FAM3C: variants seen among roughly 807,000 people sequenced by gnomAD.
FAM3C encodes protein FAM3C.
In FAM3C, 15 loss-of-function variants were observed where a neutral mutation model predicts 32.5. That is an observed-to-expected ratio of 0.46 (90% CI 0.31 to 0.71). The LOEUF is 0.71. Among genes scored for constraint, FAM3C ranks in the 30% least tolerant of loss-of-function variants. The probability of loss-of-function intolerance (pLI) is 0.05; values close to 1 mark genes in which losing one functional copy is unlikely to be tolerated. For synonymous variants in FAM3C, 75 were observed against 86.1 expected, an observed-to-expected ratio of 0.87 and a Z score of 0.72; for missense variants, 175 against 274.4, an observed-to-expected ratio of 0.64 and a Z score of 2.56.
chr7:121,351,279 GGAGA>G lies in FAM3C; in HGVS notation c.468-14_468-11del, dbSNP rs1383767933. 6.2e-7 allele frequency: 1 copy of G among 1,611,894 alleles called. No homozygotes were observed. The highest frequency in any genetic ancestry group is 1.3e-5 in the African/African-American group (1 of 74,812). The stretch of plus-strand genomic sequence containing the variant: ...TGCCTCATCATTGAGTCTTGAAGAG[GGAGA>G]GAAAGAATACAACAATAAACAGAGG... On this transcript the variant is annotated splice_polypyrimidine_tract_variant and intron_variant, in intron 8 of 9. Coordinates refer to ENST00000359943, the MANE Select transcript of FAM3C (RefSeq NM_014888.3).
Position 121,389,017 on chromosome 7 carries a change from T to C in FAM3C, c.-41-6007A>G, listed in dbSNP as rs186739255. Among the ~76,000 whole-genome samples the C allele has an allele frequency of 2.4e-3, 360 of 152,264 alleles. 3 individuals are homozygous for C. Among genetic ancestry groups the C allele is most frequent in the Admixed American group, 7.5e-3 (115 of 15,288 alleles). On this transcript the variant is annotated intron_variant, in intron 1 of 9. Coordinates refer to ENST00000359943, the MANE Select transcript of FAM3C (RefSeq NM_014888.3). ...TACAGCAATTTAGATAAAACTCCAT[T>C]CTTCTAAGAATGAAATTGGTAAAAT...
Position 121,355,874 on chromosome 7 carries a change from C to T in FAM3C, c.467+4169G>A, listed in dbSNP as rs1447782172. ...GCATGACTTTGAAGAGAGTACAAAG[C>T]CTGGATCATGGAAACTTCATAGGAC... On this transcript the variant is annotated intron_variant, in intron 8 of 9. Transcript: ENST00000359943. 3.7e-4 allele frequency among the ~76,000 whole-genome samples: 57 copies of T among 152,020 alleles called. 1 individual carries two copies.
At chr7:121,369,652 T>A (rs1308983562) in intron 5 of FAM3C, among the ~76,000 whole-genome samples, 1 of 152,234 alleles carries the variant, frequency 6.6e-6, no homozygotes, top group Non-Finnish European at 1.5e-5. Flanking sequence ...TATGCACTGT[T>A]CGCTTTCTGA....
chr7:121,388,923 G>C (rs1794521519), intron 1 of FAM3C, among the ~76,000 whole-genome samples: 1 of 152,064 alleles, frequency 6.6e-6, no homozygotes. Flanking sequence ...ACCATAAACT[G>C]CTCTACCTTG....
At chr7:121,353,647 T>C (rs1793751790) in intron 8 of FAM3C, among the ~76,000 whole-genome samples, 1 of 152,198 alleles carries the variant, frequency 6.6e-6, no homozygotes, top group South Asian at 2.1e-4. Context: ...GTCTGGTATT[T>C]TGCAACAGGT....
In FAM3C at chr7:121,371,410, G is replaced by A; in HGVS notation, c.162C>T (p.Pro54=). 6.2e-7 allele frequency: 1 copy of A among 1,613,698 alleles called. No individual in the cohort carries two copies. Among genetic ancestry groups the A allele is most frequent in the Non-Finnish European group, 8.5e-7 (1 of 1,179,726 alleles). Residue 54 remains proline (P), a synonymous_variant, in exon 5 of 10, where the codon CCC becomes CCT. Transcript: ENST00000359943. ...CTTTTGAGATCCCACACTTATATCT[G>A]GGAGGCTTTGTAGCTTTGGGGGAGA... ...LDTAARSTKP[P]RYKCGISKAC...
intron 1 of FAM3C, among the ~76,000 whole-genome samples, chr7:121,387,988 T>C (rs982894695): frequency 2.0e-5 from 3 of 152,058 alleles, no homozygotes; most frequent in South Asian, 2.1e-4. Context: ...GGCTACATTT[T>C]TGAAATAACA....
Position 121,371,284 on chromosome 7 carries a change from G to A in FAM3C, c.272+16C>T. The A allele has an allele frequency of 6.2e-7, 1 of 1,611,776 alleles. No individual in the cohort carries two copies. The highest frequency in any genetic ancestry group is 8.5e-7 in the Non-Finnish European group (1 of 1,179,430). On this transcript the variant is annotated intron_variant, in intron 5 of 9. Coordinates refer to ENST00000359943, the MANE Select transcript of FAM3C (RefSeq NM_014888.3). ...TTAATAGCACACCTTATCGTCTCAA[G>A]TCAACAAAGACTTACACATTATCTT... is the stretch of plus-strand genomic sequence containing the variant.
chr7:121,374,029 G>A (rs1273758818), intron 3 of FAM3C, among the ~76,000 whole-genome samples: 1 of 150,856 alleles, frequency 6.6e-6, no homozygotes, highest in Non-Finnish European at 1.5e-5. Context: ...AGAACATTAA[G>A]TACTTATTGC....
chr7:121,380,437 A>G (rs1794327778), intron 2 of FAM3C, among the ~76,000 whole-genome samples: 1 of 152,082 alleles, frequency 6.6e-6, no homozygotes, highest in Non-Finnish European at 1.5e-5. Context: ...GCAAACTAAC[A>G]CAGGAACAGA....
intron 5 of FAM3C, chr7:121,364,435 T>C (rs1793984964): frequency 2.5e-6 from 1 of 396,946 alleles, no homozygotes; most frequent in African/African-American, 2.1e-5. Flanking sequence ...AGGCCTGAAA[T>C]AATAGACCAT....
At chr7:121,368,598 A>G (rs1425148962) in intron 5 of FAM3C, among the ~76,000 whole-genome samples, 2 of 152,116 alleles carry the variant, frequency 1.3e-5, no homozygotes, top group African/African-American at 4.8e-5. Flanking sequence ...TTTTTTCAAT[A>G]TAAATAAAAT....
chr7:121,387,084 G>A (rs1029054894), intron 1 of FAM3C, among the ~76,000 whole-genome samples: 7 of 152,078 alleles, frequency 4.6e-5, no homozygotes, highest in Non-Finnish European at 8.8e-5. Flanking sequence ...TAGCTAGAAA[G>A]CAACCATAGC....
chr7:121,385,385 T>C (rs1375813509), intron 1 of FAM3C, among the ~76,000 whole-genome samples: 1 of 152,160 alleles, frequency 6.6e-6, no homozygotes, highest in Non-Finnish European at 1.5e-5. Flanking sequence ...GTTGCTAATA[T>C]GTAAGGTTCA....
At chr7:121,386,364 A>G (rs967858934) in intron 1 of FAM3C, among the ~76,000 whole-genome samples, 1 of 152,134 alleles carries the variant, frequency 6.6e-6, no homozygotes, top group African/African-American at 2.4e-5. Flanking sequence ...AGTTCCCATG[A>G]TTCTAATAAT....
chr7:121,374,144 G>A (rs183355857), intron 3 of FAM3C, among the ~76,000 whole-genome samples: 130 of 152,264 alleles, frequency 8.5e-4, no homozygotes, highest in Non-Finnish European at 1.3e-3. Flanking sequence ...AATAAGATTG[G>A]TGAATTGTAT....
At chr7:121,368,972 G>GTTTTTTTTTTTTT (rs563834740) in intron 5 of FAM3C, among the ~76,000 whole-genome samples, 1 of 96,200 alleles carries the variant, frequency 1.0e-5, no homozygotes, top group Non-Finnish European at 2.0e-5. Flanking sequence ...TGTTGTTGTT[G>GTTTTTTTTTTTTT]TTTTTTTTTT....
chr7:121,356,733 A>G (rs1303707363), intron 8 of FAM3C, among the ~76,000 whole-genome samples: 1 of 152,188 alleles, frequency 6.6e-6, no homozygotes, highest in Non-Finnish European at 1.5e-5. Flanking sequence ...TCACGTAGGC[A>G]TAACATGTCA....
At chr7:121,352,087 C>T (rs1793718214) in intron 8 of FAM3C, among the ~76,000 whole-genome samples, 2 of 152,126 alleles carry the variant, frequency 1.3e-5, no homozygotes, top group South Asian at 2.1e-4. Flanking sequence ...ATATACTGCG[C>T]AAAAGACAGC....
Sources: allele counts gnomAD v4.1 joint callset (sites outside exome capture counted in the v4.1 genomes callset), GRCh38; gene constraint gnomAD v4.1.1; transcripts MANE v1.5; gene names NCBI Gene and HGNC (gene_info 2026-07-23, HGNC 2026-07-21).